The following CELF2 variants were observed in gnomAD, a reference collection of about 807,000 sequenced individuals.
The protein encoded by CELF2 is CUGBP Elav-like family member 2.
A neutral mutation model predicts 62.6 loss-of-function variants in CELF2; 8 were observed. The observed-to-expected ratio is 0.13, with a 90% CI of 0.07 to 0.23. CELF2 has a LOEUF of 0.23. CELF2 is among the 10% of genes least tolerant of loss of function. The pLI is 1.00. For missense variants in CELF2, 333 were observed against 671.0 expected (o/e 0.50, Z 5.56); for synonymous variants, 258 against 250.0 (o/e 1.03, Z -0.30).
At chr10:10,984,644 A>G (rs2052534430) in intron 2 of CELF2, among the ~76,000 whole-genome samples, 2 of 152,222 alleles carry the variant, frequency 1.3e-5, no homozygotes, top group African/African-American at 2.4e-5. Flanking sequence ...AACTTAGTTC[A>G]GGAAAGTTAG....
chr10:11,187,021 G>A (rs682971), intron 2 of CELF2, among the ~76,000 whole-genome samples: 76,835 of 151,958 alleles, frequency 0.51, 21,024 homozygotes, highest in East Asian at 0.83. Context: ...CAGGTATCCT[G>A]TTGTTCTTGG....
At chr10:10,810,810 G>C (rs765251016) in intron 1 of CELF2, among the ~76,000 whole-genome samples, 30 of 152,210 alleles carry the variant, frequency 2.0e-4, no homozygotes, top group Non-Finnish European at 3.8e-4. Context: ...TCGTGGTGGA[G>C]CTTCCAGTCA....
chr10:10,734,151 T>G, the CELF2 span, among the ~76,000 whole-genome samples: 1 of 152,194 alleles, frequency 6.6e-6, no homozygotes, highest in African/African-American at 2.4e-5. Flanking sequence ...TTGTCTTCTT[T>G]TTTATGTGGA....
the CELF2 span, among the ~76,000 whole-genome samples, chr10:10,630,037 T>A: frequency 1.3e-5 from 2 of 152,298 alleles, no homozygotes; most frequent in East Asian, 3.9e-4. Context: ...AAAAGAATAA[T>A]GGAGTAATAT....
chr10:10,553,878 C>G, the CELF2 span, among the ~76,000 whole-genome samples: 2 of 152,072 alleles, frequency 1.3e-5, no homozygotes, highest in African/African-American at 4.8e-5. Context: ...CAGGGCCTTG[C>G]CAGCCCTAGG....
At chr10:10,977,842 G>C (rs1246973543) in intron 2 of CELF2, among the ~76,000 whole-genome samples, 1 of 152,086 alleles carries the variant, frequency 6.6e-6, no homozygotes, top group Non-Finnish European at 1.5e-5. Flanking sequence ...TAACAATTTG[G>C]GGCTTACAGT....
the CELF2 span, among the ~76,000 whole-genome samples, chr10:10,641,430 G>GTT: frequency 6.6e-6 from 1 of 151,130 alleles, no homozygotes; most frequent in Non-Finnish European, 1.5e-5. Context: ...TGCTACAGAG[G>GTT]TTTTTTTTTG....
intron 3 of CELF2, among the ~76,000 whole-genome samples, chr10:11,232,669 C>A (rs2069221063): frequency 6.6e-6 from 1 of 152,184 alleles, no homozygotes; most frequent in Non-Finnish European, 1.5e-5. Context: ...TTGCATGGTA[C>A]TGATTTCAAG....
the CELF2 span, among the ~76,000 whole-genome samples, chr10:10,675,814 C>T: frequency 6.6e-6 from 1 of 152,146 alleles, no homozygotes; most frequent in African/African-American, 2.4e-5. Context: ...TTTCAGCTTC[C>T]TTCTTAGGAT....
At chr10:10,584,906 G>A in the CELF2 span, among the ~76,000 whole-genome samples, 3 of 152,144 alleles carry the variant, frequency 2.0e-5, no homozygotes, top group Non-Finnish European at 4.4e-5. Context: ...AGGCTACGAT[G>A]TTGAACCAGG....
chr10:10,712,082 A>G, the CELF2 span, among the ~76,000 whole-genome samples: 1 of 147,734 alleles, frequency 6.8e-6, no homozygotes, highest in East Asian at 2.0e-4. Context: ...TCCTCATCTC[A>G]GAAGATTTAG....
rs1565775508 is a variant in CELF2, at chr10:11,285,868, TGTGTGTGTG to T, written c.842-2549_842-2541del. On this transcript the variant is annotated intron_variant, in intron 8 of 12. Transcript: ENST00000633077. This position sits in a 1 kb window ranked among gnomAD's most constrained non-coding sequence, Gnocchi z 4.3. ...GTGTGTGTGTGTGTGTGTGTGTGTGTGTGTGTGTGTTTTTACATGGACTTGAAAATGAGT... is the reference window on the plus strand; with the variant it reads ...GTGTGTGTGTGTGTGTGTGTGTGTGTTTTTTACATGGACTTGAAAATGAGT... 1.5e-5 allele frequency among the ~76,000 whole-genome samples: 2 copies of T among 135,006 alleles called. No homozygotes were observed. Among genetic ancestry groups the T allele is most frequent in the African/African-American group, 3.6e-5 (1 of 28,048 alleles). 88.6% of individuals were successfully genotyped at this position (135,006 alleles called of 152,430 possible).
rs2053636706 is a variant in CELF2 at position 10,993,445 on chromosome 10, T to A, written c.89+73446T>A. Among the ~76,000 whole-genome samples the A allele has an allele frequency of 6.6e-6, 1 of 152,026 alleles. No homozygotes were observed. Among genetic ancestry groups the A allele is most frequent in the Non-Finnish European group, 1.5e-5 (1 of 68,002 alleles). On this transcript the variant is annotated intron_variant, in intron 2 of 13. Transcript: ENST00000636488. The surrounding 1 kb of genome is among the most constrained non-coding windows in gnomAD (Gnocchi z 5.3). ...GCAGGAGTTAACTGGGAAGGGGAAA[T>A]GCCAATTTAGGCAGACACCAAGCAT...
At chr10:11,055,435 C>G (rs908304871) in intron 1 of CELF2, among the ~76,000 whole-genome samples, 2 of 152,236 alleles carry the variant, frequency 1.3e-5, no homozygotes, top group South Asian at 2.1e-4. Flanking sequence ...TTTGGCTGAC[C>G]GAGTATCATT....
At chr10:10,754,423 A>G in the CELF2 span, among the ~76,000 whole-genome samples, 1 of 152,072 alleles carries the variant, frequency 6.6e-6, no homozygotes, top group East Asian at 1.9e-4. Flanking sequence ...AAGTGCTGGG[A>G]TTCCAAGGAT....
intron 2 of CELF2, among the ~76,000 whole-genome samples, chr10:10,982,366 A>G (rs2052244228): frequency 6.6e-6 from 1 of 152,120 alleles, no homozygotes; most frequent in Admixed American, 6.6e-5. Context: ...CCAAACCCCC[A>G]CAGAGGCATG....
intron 7 of CELF2, among the ~76,000 whole-genome samples, chr10:11,274,156 A>G (rs142982204): frequency 1.3e-5 from 2 of 152,348 alleles, no homozygotes; most frequent in East Asian, 3.9e-4. Context: ...ACATTTGAAT[A>G]TAGGAGAAAA....
chr10:10,603,074 C>G, the CELF2 span, among the ~76,000 whole-genome samples: 1 of 147,904 alleles, frequency 6.8e-6, no homozygotes, highest in East Asian at 2.0e-4. Flanking sequence ...GTTCTTAGAC[C>G]AGTATTTTCA....
the CELF2 span, among the ~76,000 whole-genome samples, chr10:10,525,098 T>C: frequency 3.0e-4 from 45 of 152,322 alleles, no homozygotes; most frequent in East Asian, 1.9e-3. Flanking sequence ...ATCAATCTAA[T>C]TGGCATCACC....
Sources: gnomAD v4.1 joint callset for allele counts (sites outside exome capture counted in the v4.1 genomes callset) on GRCh38, gnomAD v4.1.1 for gene constraint, Gnocchi (gnomAD v3.1) non-coding constraint, MANE v1.5 for transcripts, NCBI Gene and HGNC (gene_info 2026-07-23, HGNC 2026-07-21) for gene names.